Variants in TG observed in about 807,000 individuals in gnomAD.
The protein encoded by TG is thyroglobulin, also known as thyroid hormones.
Under a neutral mutation model 324.7 loss-of-function variants are expected in TG, and 270 were observed. The observed-to-expected ratio is 0.83, with a 90% CI of 0.75 to 0.92. The LOEUF is 0.92. Among genes scored for constraint, TG ranks in the 40% least tolerant of loss-of-function variants. The pLI is 0.00. For missense variants in TG, 3,591 were observed against 3,456.4 expected (o/e 1.04, Z -0.98); for synonymous variants, 1,401 against 1,327.0 (o/e 1.06, Z -1.21).
chr8:132,882,020 G>A (rs777420387), intron 6 of TG, 51 bp downstream of exon 6: 14 of 1,332,780 alleles, frequency 1.1e-5, no homozygotes, highest in Non-Finnish European at 1.4e-5. Flanking sequence ...GATTCCTCAG[G>A]TCTGAAAACC....
intron 41 of TG, among the ~76,000 whole-genome samples, chr8:133,069,720 G>T (rs1843666187): frequency 6.6e-6 from 1 of 152,170 alleles, no homozygotes; most frequent in African/African-American, 2.4e-5. Context: ...GAAGAAAAAG[G>T]CCAGGTGTGG....
intron 27 of TG, among the ~76,000 whole-genome samples, chr8:132,955,050 G>A (rs555411802): frequency 1.1e-4 from 16 of 152,284 alleles, no homozygotes; most frequent in African/African-American, 3.6e-4. Context: ...CATCTGCTGG[G>A]AAGGACCCTG....
chr8:133,107,734 T>C (rs1849925328), intron 43 of TG, among the ~76,000 whole-genome samples: 2 of 152,192 alleles, frequency 1.3e-5, no homozygotes, highest in African/African-American at 4.8e-5. Flanking sequence ...CCAATTAGTG[T>C]GTCAGATCCC....
intron 45 of TG, among the ~76,000 whole-genome samples, chr8:133,128,119 T>A (rs1166119025): frequency 6.6e-6 from 1 of 152,164 alleles, no homozygotes; most frequent in Non-Finnish European, 1.5e-5. Flanking sequence ...CAACATTTTA[T>A]TTTTGAAAAG....
intron 4 of TG, 28 bp from the exon 5 acceptor site, chr8:132,873,034 A>G (rs1839643981): frequency 6.2e-7 from 1 of 1,613,704 alleles, no homozygotes; most frequent in African/African-American, 1.3e-5. Flanking sequence ...CTCATATATA[A>G]GGATTTTTTT....
At chr8:133,047,619 A>C in intron 41 of TG, 1 of 579,636 alleles carries the variant, frequency 1.7e-6, no homozygotes, top group Non-Finnish European at 3.1e-6. Flanking sequence ...GGCCCGTGGC[A>C]GTGCCCAGCC....
At chr8:133,040,129 C>T (rs1232487586) in intron 41 of TG, 1 of 1,578,302 alleles carries the variant, frequency 6.3e-7, no homozygotes, top group Non-Finnish European at 8.6e-7. Context: ...CATCAGCCAC[C>T]TCTGAGGAGG....
chr8:133,047,654 C>A (rs1043356153), intron 41 of TG: 1 of 629,428 alleles, frequency 1.6e-6, no homozygotes. Context: ...TGTCTCTAGT[C>A]CCCTTGCTTC....
At chr8:133,107,331 G>T (rs1369496739) in intron 43 of TG, among the ~76,000 whole-genome samples, 1 of 152,100 alleles carries the variant, frequency 6.6e-6, no homozygotes, top group Non-Finnish European at 1.5e-5. Flanking sequence ...TGTTTCCAAG[G>T]GCTCTTACTT....
intron 16 of TG, among the ~76,000 whole-genome samples, chr8:132,902,960 A>G (rs1010866609): frequency 4.6e-5 from 7 of 152,134 alleles, no homozygotes; most frequent in East Asian, 1.9e-4. Flanking sequence ...GAGCTCTCCT[A>G]TCTCCCCATT....
chr8:132,898,887 C>A lies in TG; in HGVS notation c.3307C>A (p.Leu1103Met). 6.2e-7 allele frequency: 1 copy of A among 1,614,168 alleles called. No individual in the cohort carries two copies. The highest frequency in any genetic ancestry group is 1.6e-4 in the Middle Eastern group (1 of 6,062). ...CCAAGAAAACCCATCTCCAAAAGACCTGTTCGTCCCAGCCTGCCTAGAAGT... is the reference window on the plus strand; with the variant it reads ...CCAAGAAAACCCATCTCCAAAAGACATGTTCGTCCCAGCCTGCCTAGAAGT... Reference protein sequence around the residue: ...RSQENPSPKDLFVPACLETGE... With the variant: ...RSQENPSPKDMFVPACLETGE... The change falls in exon 14 of 48, where the codon CTG becomes ATG. Residue 1103 changes from leucine (L) to methionine (M), a missense_variant. By Grantham distance (15) the Leu-to-Met change is conservative. Coordinates refer to ENST00000220616, the MANE Select transcript of TG (RefSeq NM_003235.5).
At position 132,962,990 on chromosome 8, in the gene TG, C is replaced by G. The variant is rs1827985308; in HGVS notation, c.5468-4C>G. On this transcript the variant is annotated splice_region_variant and splice_polypyrimidine_tract_variant and intron_variant, in intron 28 of 47. Coordinates refer to ENST00000220616, the MANE Select transcript of TG (RefSeq NM_003235.5). ...ATTGCAACAACTCTTTTTTTTCCTC[C>G]TAGATTCTGACATGGGGTCTCGGCC... The G allele has an allele frequency of 6.2e-7, 1 of 1,613,536 alleles. No homozygotes were observed. The highest frequency in any genetic ancestry group is 1.3e-5 in the African/African-American group (1 of 74,852).
At chr8:132,890,296 T>C (rs1006878468) in intron 10 of TG, among the ~76,000 whole-genome samples, 8 of 152,218 alleles carry the variant, frequency 5.3e-5, no homozygotes, top group African/African-American at 1.9e-4. Context: ...AATCTTCATG[T>C]AGTGTATTAT....
chr8:132,948,835 T>C lies in TG; in HGVS notation c.5293T>C (p.Trp1765Arg), dbSNP rs1825710964. 2.5e-6 allele frequency: 4 copies of C among 1,613,944 alleles called. No individual in the cohort carries two copies. Among genetic ancestry groups the C allele is most frequent in the Non-Finnish European group, 3.4e-6 (4 of 1,180,024 alleles). The part of the protein sequence containing the change: ...PSVLLCNVKD[W>R]MDPSEAWANA... ...TGTCCTGCTTTGTAATGTCAAAGAC[T>C]GGATGGATCCCTCTGAAGCCTGGGC... is the stretch of plus-strand genomic sequence containing the variant. The change falls in exon 27 of 48, where the codon TGG becomes CGG. Residue 1765 changes from tryptophan to arginine, a missense_variant. By Grantham distance (101) the Trp-to-Arg change is moderately radical (BLOSUM62 -3). Transcript: ENST00000220616.
chr8:133,106,299 G>T lies in TG; in HGVS notation c.7573-7123G>T, dbSNP rs115671318. 2.7e-3 allele frequency: 1,600 copies of T among 600,232 alleles called. 21 individuals are homozygous for T. The African/African-American group carries it at 0.03, about 11-fold the overall frequency. 37.2% of individuals were successfully genotyped at this position (600,232 alleles called of 1,614,324 possible). A position where few individuals can be genotyped will look rare whatever the true frequency, so the allele number is the denominator to read the frequency against. ...GGTTTGCAGCAGGAGGCAGGGCCAG[G>T]GGGAAGCAGCGCTGAGGGGCCAGTC... On this transcript the variant is annotated intron_variant, in intron 43 of 47. Coordinates refer to ENST00000220616, the MANE Select transcript of TG (RefSeq NM_003235.5).
chr8:132,957,855 G>T (rs1250896792), intron 27 of TG, among the ~76,000 whole-genome samples: 1 of 151,994 alleles, frequency 6.6e-6, no homozygotes, highest in Non-Finnish European at 1.5e-5. Context: ...AAGTTCTTTA[G>T]TGGTGATTTG....
At chr8:133,049,800 G>T in intron 41 of TG, 1 of 842,904 alleles carries the variant, frequency 1.2e-6, no homozygotes, top group Non-Finnish European at 2.1e-6. Context: ...TCTTGACCCA[G>T]TGCCTTCCTT....
In TG at chr8:132,929,063, G is replaced by A; in HGVS notation, c.4700-13G>A. The A allele has an allele frequency of 6.2e-7, 1 of 1,610,478 alleles. No individual in the cohort carries two copies. The highest frequency in any genetic ancestry group is 1.3e-5 in the African/African-American group (1 of 74,970). Reference sequence around the variant, plus strand: ...CTTCTGAGTCAGATTTACTAAATCTGCTTTATTTTTAGTGATGCAGAAGTT... The same window carrying A: ...CTTCTGAGTCAGATTTACTAAATCTACTTTATTTTTAGTGATGCAGAAGTT... On this transcript the variant is annotated splice_polypyrimidine_tract_variant and intron_variant, in intron 22 of 47. Coordinates refer to ENST00000220616, the MANE Select transcript of TG (RefSeq NM_003235.5).
chr8:132,972,129 T>C, intron 33 of TG: 1 of 516,518 alleles, frequency 1.9e-6, no homozygotes, highest in Non-Finnish European at 3.5e-6. Context: ...GGATATCTTT[T>C]GTTCATCTTT....
Sources: allele counts gnomAD v4.1 joint callset (sites outside exome capture counted in the v4.1 genomes callset), GRCh38; gene constraint gnomAD v4.1.1; transcripts MANE v1.5; gene names NCBI Gene and HGNC (gene_info 2026-07-23, HGNC 2026-07-21).